Variants in SGMS1 observed in about 807,000 individuals in gnomAD.
SGMS1 encodes phosphatidylcholine:ceramide cholinephosphotransferase 1.
Under a neutral mutation model 46.2 loss-of-function variants are expected in SGMS1, and 13 were observed. The observed-to-expected ratio is 0.28, with a 90% CI of 0.18 to 0.45. SGMS1 has a LOEUF of 0.45. Ranked by LOEUF, SGMS1 falls within the 20% of genes least tolerant of loss-of-function variation. SGMS1 has a pLI of 1.00. For missense variants in SGMS1, 324 were observed against 519.9 expected (o/e 0.62, Z 3.66); for synonymous variants, 203 against 187.8 (o/e 1.08, Z -0.66).
At chr10:50,616,326 G>C (rs1376771659) in intron 1 of SGMS1, among the ~76,000 whole-genome samples, 1 of 152,066 alleles carries the variant, frequency 6.6e-6, no homozygotes, top group African/African-American at 2.4e-5. Context: ...AGTAGAGACA[G>C]GGACTCACCG....
rs567140276 is a variant in SGMS1 at position 50,616,241 on chromosome 10, G to A, written c.-684+7466C>T. On this transcript the variant is annotated intron_variant, in intron 1 of 10. Coordinates refer to ENST00000361781, the MANE Select transcript of SGMS1 (RefSeq NM_147156.4). ...ACAAGCCTCCCACATCAGCCCCCCC[G>A]CCCCAAGTAGCTGGGACTACAGGTG... 4.2e-3 allele frequency among the ~76,000 whole-genome samples: 643 copies of A among 151,792 alleles called. 6 individuals are homozygous for A. Among genetic ancestry groups the A allele is most frequent in the Non-Finnish European group, 5.8e-3 (393 of 67,924 alleles).
chr10:50,336,666 C>T (rs1266101189), intron 7 of SGMS1, among the ~76,000 whole-genome samples: 1 of 152,132 alleles, frequency 6.6e-6, no homozygotes, highest in African/African-American at 2.4e-5. Context: ...AAAAAAAATA[C>T]ATCTCCAAAG....
chr10:50,557,058 C>T (rs1838194978), intron 2 of SGMS1, among the ~76,000 whole-genome samples: 1 of 152,174 alleles, frequency 6.6e-6, no homozygotes, highest in African/African-American at 2.4e-5. Context: ...ACATAGTAGG[C>T]TTTATACAAA....
chr10:50,435,003 G>T, intron 5 of SGMS1, among the ~76,000 whole-genome samples: 1 of 152,072 alleles, frequency 6.6e-6, no homozygotes, highest in East Asian at 1.9e-4. Context: ...AGGAAGAACT[G>T]AGGAGTCAAA....
At chr10:50,514,996 A>G (rs1588860520) in intron 3 of SGMS1, among the ~76,000 whole-genome samples, 1 of 152,252 alleles carries the variant, frequency 6.6e-6, no homozygotes, top group East Asian at 1.9e-4. Flanking sequence ...AAGCACTCAC[A>G]TATGAATCTG....
chr10:50,511,233 T>G (rs1019806211), intron 3 of SGMS1, among the ~76,000 whole-genome samples: 1 of 125,772 alleles, frequency 8.0e-6, no homozygotes, highest in Non-Finnish European at 1.7e-5. Flanking sequence ...TGAGAAATAT[T>G]CATTCACTCA....
intron 2 of SGMS1, among the ~76,000 whole-genome samples, chr10:50,578,379 C>T (rs1838403404): frequency 6.6e-6 from 1 of 152,192 alleles, no homozygotes; most frequent in Admixed American, 6.5e-5. Flanking sequence ...GTGTCAGCTG[C>T]ATTTTAATCT....
intron 5 of SGMS1, among the ~76,000 whole-genome samples, chr10:50,442,703 C>A (rs910457404): frequency 1.3e-5 from 2 of 152,146 alleles, no homozygotes; most frequent in African/African-American, 4.8e-5. Flanking sequence ...GGTATATACC[C>A]AGTAATGAGA....
At chr10:50,347,756 A>G (rs1434224632) in intron 6 of SGMS1, among the ~76,000 whole-genome samples, 1 of 152,176 alleles carries the variant, frequency 6.6e-6, no homozygotes. Flanking sequence ...ACTCCCTGAG[A>G]ACCACAGGGA....
At chr10:50,441,256 A>T (rs1003678731) in intron 5 of SGMS1, among the ~76,000 whole-genome samples, 2 of 152,222 alleles carry the variant, frequency 1.3e-5, no homozygotes, top group African/African-American at 4.8e-5. Flanking sequence ...CTGCTCATAG[A>T]TGGAGTGTAT....
chr10:50,562,344 G>A (rs1838245402), intron 2 of SGMS1, among the ~76,000 whole-genome samples: 2 of 60,952 alleles, frequency 3.3e-5, no homozygotes, highest in Non-Finnish European at 4.4e-5. Flanking sequence ...CTGAGTGTGT[G>A]TGTGTGTGTG....
At chr10:50,492,219 T>C (rs996518752) in intron 3 of SGMS1, among the ~76,000 whole-genome samples, 12 of 152,222 alleles carry the variant, frequency 7.9e-5, no homozygotes, top group Admixed American at 6.5e-4. Context: ...TTGTACTGAA[T>C]GGGCAAAAGC....
At chr10:50,395,044 G>A (rs1848826703) in intron 6 of SGMS1, among the ~76,000 whole-genome samples, 2 of 152,126 alleles carry the variant, frequency 1.3e-5, no homozygotes, top group African/African-American at 4.8e-5. Context: ...TACTTTGCGT[G>A]AGCTCACATC....
intron 6 of SGMS1, among the ~76,000 whole-genome samples, chr10:50,380,883 G>A (rs185788316): frequency 5.3e-5 from 8 of 152,158 alleles, no homozygotes; most frequent in African/African-American, 1.4e-4. Context: ...AGGCTGCGGT[G>A]CAGTGGTGCA....
intron 6 of SGMS1, among the ~76,000 whole-genome samples, chr10:50,386,818 C>T (rs1848690244): frequency 6.6e-6 from 1 of 152,158 alleles, no homozygotes; most frequent in South Asian, 2.1e-4. Context: ...CCTGCTCTGC[C>T]TAGCAAGGAG....
At chr10:50,466,001 T>C (rs567921249) in intron 4 of SGMS1, among the ~76,000 whole-genome samples, 1 of 151,578 alleles carries the variant, frequency 6.6e-6, no homozygotes, top group Non-Finnish European at 1.5e-5. Flanking sequence ...ATCAAGAAAA[T>C]AAAGAGACAG....
chr10:50,332,401 C>T (rs1847639565), intron 7 of SGMS1, among the ~76,000 whole-genome samples: 1 of 152,174 alleles, frequency 6.6e-6, no homozygotes, highest in East Asian at 1.9e-4. Flanking sequence ...CCTCTCTATC[C>T]TATCCTTCTA....
chr10:50,451,064 T>G (rs1837103224), intron 5 of SGMS1, among the ~76,000 whole-genome samples: 1 of 152,150 alleles, frequency 6.6e-6, no homozygotes, highest in Non-Finnish European at 1.5e-5. Context: ...CCTTAGAAAC[T>G]ATTTCCAATA....
At chr10:50,421,598 C>T (rs1228346895) in intron 6 of SGMS1, among the ~76,000 whole-genome samples, 1 of 152,186 alleles carries the variant, frequency 6.6e-6, no homozygotes, top group Non-Finnish European at 1.5e-5. Context: ...CCTCCTGGAA[C>T]TAGCACCTGC....
Sources: gnomAD v4.1 joint callset for allele counts (sites outside exome capture counted in the v4.1 genomes callset) on GRCh38, gnomAD v4.1.1 for gene constraint, MANE v1.5 for transcripts, NCBI Gene and HGNC (gene_info 2026-07-23, HGNC 2026-07-21) for gene names.